ZNF200: variants seen among roughly 807,000 people sequenced by gnomAD.
ZNF200 encodes zinc finger protein 200.
In ZNF200, 35 loss-of-function variants were observed where a neutral mutation model predicts 33.6. The observed-to-expected ratio is 1.04, with a 90% confidence interval of 0.80 to 1.38. The LOEUF is 1.38. Among genes scored for constraint, ZNF200 ranks in the 40% most tolerant of loss-of-function variants. The pLI is 0.00. For missense variants in ZNF200, 592 were observed against 470.6 expected (o/e 1.26, Z -2.39); for synonymous variants, 209 against 167.7 (o/e 1.25, Z -1.90).
chr16:3,234,880 G>A (rs1030312665), intron 1 of ZNF200, 107 bp downstream of exon 1: 6 of 152,294 alleles, frequency 3.9e-5, no homozygotes, highest in East Asian at 1.9e-4. Context: ...GCCCCTGCCT[G>A]AGGCGCTCAC....
Position 3,223,786 on chromosome 16 carries a change from G to C in ZNF200, c.*106C>G. On this transcript the variant is annotated 3_prime_UTR_variant, in exon 5 of 5. Coordinates refer to ENST00000414144, the MANE Select transcript of ZNF200 (RefSeq NM_198088.3). ...ATTTATCCAATTTTGGCAATAATGA[G>C]ATTTTTACACATTTATACCTTTTTA... 1 of 1,457,750 alleles carries C rather than the reference G, an allele frequency of 6.9e-7. No individual in the cohort carries two copies. The highest frequency in any genetic ancestry group is 1.4e-5 in the African/African-American group (1 of 70,498). The allele number at this position is 1,457,750 out of a possible 1,614,324, so 90.3% of individuals were successfully genotyped here.
In ZNF200 at chr16:3,232,644, T is replaced by C. The variant is rs1262730570; in HGVS notation, c.340-97A>G. 1.8e-5 allele frequency: 28 copies of C among 1,543,738 alleles called. No individual in the cohort carries two copies. The South Asian group carries it at 3.0e-4, about 17-fold the overall frequency. ...GACACACAAAGATCAAGGGAAGGGA[T>C]AGCAAGAGGGACCTATAAATCCCAC... is the stretch of plus-strand genomic sequence containing the variant. On this transcript the variant is annotated intron_variant, in intron 3 of 4. Transcript: ENST00000414144.
chr16:3,232,279 A>G, intron 4 of ZNF200, 142 bp downstream of exon 4: 1 of 1,047,090 alleles, frequency 9.6e-7, no homozygotes, highest in Non-Finnish European at 1.4e-6. Flanking sequence ...GCTCTGCTAC[A>G]TTGAATAAAA....
chr16:3,233,500 T>G lies in ZNF200; in HGVS notation c.250+6A>C. 1 of 1,521,868 alleles carries G rather than the reference T, an allele frequency of 6.6e-7. No individual in the cohort carries two copies. The highest frequency in any genetic ancestry group is 8.8e-7 in the Non-Finnish European group (1 of 1,136,674). The allele number at this position is 1,521,868 out of a possible 1,614,324, so 94.3% of individuals were successfully genotyped here. A position where few individuals can be genotyped will look rare whatever the true frequency, so the allele number is the denominator to read the frequency against. On this transcript the variant is annotated splice_donor_region_variant and intron_variant, in intron 2 of 4. Transcript: ENST00000414144. ...TCTTCTAGTGAAACAAGCATGTGCT[T>G]CTCACCTCTGTTCTGAAGGCTTGAG...
At chr16:3,224,989 G>T (rs1318211568) in intron 4 of ZNF200, 1 of 176,946 alleles carries the variant, frequency 5.7e-6, no homozygotes, top group African/African-American at 2.4e-5. Context: ...TCATCTTGAA[G>T]GAGTCTGGTA....
rs76296198 is a variant in ZNF200 at position 3,224,863 on chromosome 16, T to A, written c.467-250A>T. 4,101 of 489,100 alleles carry A rather than the reference T, an allele frequency of 8.4e-3. 131 individuals carry two copies. Among genetic ancestry groups the A allele is most frequent in the African/African-American group, 0.072 (3,725 of 51,848 alleles). 30.3% of individuals were successfully genotyped at this position (489,100 alleles called of 1,614,324 possible). A position where few individuals can be genotyped will look rare whatever the true frequency, so the allele number is the denominator to read the frequency against. The stretch of plus-strand genomic sequence containing the variant: ...GGATTTCACTGAAAGACTTCAAATG[T>A]TTGTTCTCTTCATAGGTGTTAATTA... On this transcript the variant is annotated intron_variant, in intron 4 of 4. Coordinates refer to ENST00000414144, the MANE Select transcript of ZNF200 (RefSeq NM_198088.3).
rs148690550 is a variant in ZNF200, at chr16:3,233,731, T to C, written c.25A>G (p.Met9Val). ...AAGGACTGCTTTGGCTTTGGGGGCA[T>C]AGGAACCACTTTTGCAGCCATCATG... MMAAKVVP[M>V]PPKPKQSFIL... Residue 9 changes from methionine to valine, a missense_variant, in exon 2 of 5, where the codon ATG becomes GTG. Transcript: ENST00000414144. 4.2e-5 allele frequency: 68 copies of C among 1,612,410 alleles called. No individual in the cohort carries two copies. The highest frequency in any genetic ancestry group is 6.7e-5 in the East Asian group (3 of 44,800).
At chr16:3,232,677 C>T in intron 3 of ZNF200, 130 bp from the exon 4 acceptor site, 1 of 1,457,258 alleles carries the variant, frequency 6.9e-7, no homozygotes, top group Non-Finnish European at 9.3e-7. Context: ...CACAGAGGTG[C>T]AGCAAAGACA....
chr16:3,232,778 TG>T, intron 3 of ZNF200, 54 bp downstream of exon 3: 2 of 1,575,888 alleles, frequency 1.3e-6, no homozygotes, highest in Non-Finnish European at 8.7e-7. Flanking sequence ...ACACACAGGT[TG>T]GCCAAGCACG....
intron 4 of ZNF200, chr16:3,227,731 A>G (rs946668981): frequency 1.3e-5 from 2 of 152,140 alleles, no homozygotes; most frequent in Non-Finnish European, 2.9e-5. Flanking sequence ...TGCCTTTGCC[A>G]TGATTTTAAG....
chr16:3,223,680 C>A lies in ZNF200; in HGVS notation c.*212G>T. 1.6e-6 allele frequency: 1 copy of A among 615,608 alleles called. No homozygotes were observed. The allele number at this position is 615,608 out of a possible 1,614,324, so 38.1% of individuals were successfully genotyped here. A position where few individuals can be genotyped will look rare whatever the true frequency, so the allele number is the denominator to read the frequency against. The stretch of plus-strand genomic sequence containing the variant: ...AAGGAAAGCTCCTTAGTCCAAAAAG[C>A]CTAGATGCTGAGGTATAGCCCTTGA... On this transcript the variant is annotated 3_prime_UTR_variant, in exon 5 of 5. Transcript: ENST00000414144.
At chr16:3,232,637 G>T in intron 3 of ZNF200, 90 bp from the exon 4 acceptor site, 1 of 1,563,094 alleles carries the variant, frequency 6.4e-7, no homozygotes, top group Middle Eastern at 1.7e-4. Flanking sequence ...AAGATCAAGG[G>T]AAGGGATAGC....
At chr16:3,229,695 C>G (rs956181703) in intron 4 of ZNF200, among the ~76,000 whole-genome samples, 3 of 152,046 alleles carry the variant, frequency 2.0e-5, no homozygotes, top group Non-Finnish European at 2.9e-5. Flanking sequence ...GAAACCCTGT[C>G]TCTACTAAAA....
At position 3,233,672 on chromosome 16, in the gene ZNF200, G is replaced by A. The variant is rs759558399; in HGVS notation, c.84C>T (p.Gly28=). ...ILRVPPDSKL[G]QDLLRDATNG... ...TAGTGGCATCTCGAAGTAGGTCTTG[G>A]CCCAGCTTGGAGTCTGGCGGAACTC... is the stretch of plus-strand genomic sequence containing the variant. Residue 28 remains glycine, a synonymous_variant, in exon 2 of 5, where the codon GGC becomes GGT. Coordinates refer to ENST00000414144, the MANE Select transcript of ZNF200 (RefSeq NM_198088.3). 2.5e-6 allele frequency: 4 copies of A among 1,613,850 alleles called. No individual in the cohort carries two copies. The highest frequency in any genetic ancestry group is 3.3e-5 in the Admixed American group (2 of 60,012).
chr16:3,224,832 T>C, intron 4 of ZNF200: 1 of 561,940 alleles, frequency 1.8e-6, no homozygotes, highest in South Asian at 2.5e-5. Flanking sequence ...AGAAATAAAA[T>C]GAGTGGGATT....
intron 4 of ZNF200, chr16:3,226,608 T>G (rs1958479780): frequency 6.6e-6 from 1 of 152,258 alleles, no homozygotes; most frequent in African/African-American, 2.4e-5. Context: ...TGTATATCTT[T>G]GTCAATGATT....
intron 2 of ZNF200, 77 bp downstream of exon 2, chr16:3,233,429 A>C (rs781388857): frequency 1.4e-6 from 2 of 1,472,866 alleles, no homozygotes; most frequent in East Asian, 4.8e-5. Context: ...ACTTGAATTT[A>C]TAACTAACAC....
chr16:3,232,796 G>A (rs769140502), intron 3 of ZNF200, 37 bp downstream of exon 3: 2 of 1,601,224 alleles, frequency 1.2e-6, no homozygotes, highest in Non-Finnish European at 1.7e-6. Context: ...CACGGAAGGT[G>A]ATGGATTCAG....
intron 4 of ZNF200, among the ~76,000 whole-genome samples, chr16:3,229,520 A>G (rs1192278232): frequency 6.6e-6 from 1 of 152,210 alleles, no homozygotes. Flanking sequence ...CCTACCCAAG[A>G]AAAGCACCAG....
Sources: allele counts gnomAD v4.1 joint callset (sites outside exome capture counted in the v4.1 genomes callset), GRCh38; gene constraint gnomAD v4.1.1; transcripts MANE v1.5; gene names NCBI Gene and HGNC (gene_info 2026-07-23, HGNC 2026-07-21).